Variants in CLEC6A observed in about 807,000 individuals in gnomAD.
CLEC6A encodes the protein C-type lectin domain containing 6A.
A neutral mutation model predicts 25.7 loss-of-function variants in CLEC6A; 22 were observed. The observed-to-expected ratio is 0.85, with a 90% CI of 0.61 to 1.22. CLEC6A has a LOEUF of 1.22. Ranked by LOEUF, CLEC6A falls within the 50% of genes most tolerant of loss-of-function variation. The probability of loss-of-function intolerance (pLI) is 0.00; values close to 1 mark genes in which losing one functional copy is unlikely to be tolerated. For missense variants in CLEC6A, 240 were observed against 236.8 expected (o/e 1.01, Z -0.09); for synonymous variants, 92 against 76.7 (o/e 1.20, Z -1.04).
chr12:8,461,961 T>C (rs1591706454), intron 3 of CLEC6A, among the ~76,000 whole-genome samples: 1 of 152,240 alleles, frequency 6.6e-6, no homozygotes, highest in East Asian at 1.9e-4. Context: ...GATCAGATTG[T>C]TACTGTGTCT....
At chr12:8,467,251 A>G (rs2136361980) in intron 4 of CLEC6A, among the ~76,000 whole-genome samples, 1 of 152,244 alleles carries the variant, frequency 6.6e-6, no homozygotes, top group Admixed American at 6.5e-5. Context: ...TTGGTTTCAT[A>G]TCCAATACAT....
In CLEC6A at chr12:8,465,614, C is replaced by T. The variant is rs1305937176; in HGVS notation, c.354C>T (p.Asn118=). The T allele has an allele frequency of 2.5e-6, 4 of 1,612,868 alleles. No homozygotes were observed. Among genetic ancestry groups the T allele is most frequent in the Admixed American group, 1.7e-5 (1 of 59,810 alleles). The change falls in exon 4 of 6, where the codon AAC becomes AAT. Residue 118 remains asparagine (N), a synonymous_variant. Coordinates refer to ENST00000382073, the MANE Select transcript of CLEC6A (RefSeq NM_001007033.2). ...TGGGAGCACATTTGGTTGTGTTCAA[C>T]ACAGAAGCAGAGCAGGTACTGTTTC... The part of the protein sequence containing the change: ...VEMGAHLVVF[N]TEAEQNFIVQ...
At chr12:8,467,289 T>C (rs969499025) in intron 4 of CLEC6A, among the ~76,000 whole-genome samples, 6 of 152,260 alleles carry the variant, frequency 3.9e-5, no homozygotes, top group African/African-American at 1.4e-4. Flanking sequence ...TGAATCTTTT[T>C]GCTTATGTTT....
intron 3 of CLEC6A, among the ~76,000 whole-genome samples, chr12:8,462,437 C>T (rs1309140296): frequency 5.3e-5 from 7 of 131,708 alleles, no homozygotes; most frequent in Admixed American, 2.4e-4. Flanking sequence ...GTCTCCTGCC[C>T]GTCCATGGGC....
intron 4 of CLEC6A, among the ~76,000 whole-genome samples, chr12:8,469,835 A>G (rs1939882876): frequency 6.6e-6 from 1 of 152,212 alleles, no homozygotes; most frequent in Admixed American, 6.5e-5. Flanking sequence ...AAAATTCTAG[A>G]AGATAACATT....
chr12:8,471,152 T>TTG (rs1399039048), intron 4 of CLEC6A, among the ~76,000 whole-genome samples: 4 of 152,236 alleles, frequency 2.6e-5, no homozygotes, highest in Admixed American at 1.3e-4. Flanking sequence ...CAGTTTGTCA[T>TTG]TGTGTGTAAC....
At chr12:8,456,476 A>G (rs1939676247) in intron 1 of CLEC6A, among the ~76,000 whole-genome samples, 1 of 152,190 alleles carries the variant, frequency 6.6e-6, no homozygotes, top group Non-Finnish European at 1.5e-5. Context: ...GAAATCCAGG[A>G]AGCAGTACTC....
intron 3 of CLEC6A, among the ~76,000 whole-genome samples, chr12:8,463,896 A>ATT (rs1731803264): frequency 1.3e-5 from 2 of 152,342 alleles, no homozygotes; most frequent in South Asian, 4.1e-4. Flanking sequence ...AGCTGTCAAT[A>ATT]TTTTTTGTCA....
intron 5 of CLEC6A, 122 bp from the exon 6 acceptor site, chr12:8,477,198 G>A: frequency 1.4e-6 from 1 of 718,270 alleles, no homozygotes; most frequent in Non-Finnish European, 2.3e-6. Context: ...TGAGAAGAAG[G>A]AACAATCATT....
At chr12:8,457,823 T>A (rs1939696847) in intron 1 of CLEC6A, 75 bp from the exon 2 acceptor site, 1 of 1,039,848 alleles carries the variant, frequency 9.6e-7, no homozygotes, top group African/African-American at 1.6e-5. Flanking sequence ...AGTTTGTTCA[T>A]TGTTGTAAGC....
Position 8,456,131 on chromosome 12 carries a change from C to G in CLEC6A, c.20C>G (p.Pro7Arg). The change falls in exon 1 of 6, where the codon CCT becomes CGT. Residue 7 changes from proline to arginine, a missense_variant. By Grantham distance (103) the Pro-to-Arg change is moderately radical. Transcript: ENST00000382073. MMQEQQ[P>R]QSTEKRGWLS... The stretch of plus-strand genomic sequence containing the variant: ...TGCATAATGATGCAAGAGCAGCAAC[C>G]TCAAAGTACAGGTGAGTATTTCCTC... 6.2e-7 allele frequency: 1 copy of G among 1,613,740 alleles called. No individual in the cohort carries two copies. Among genetic ancestry groups the G allele is most frequent in the Non-Finnish European group, 8.5e-7 (1 of 1,179,828 alleles).
intron 4 of CLEC6A, among the ~76,000 whole-genome samples, chr12:8,472,818 A>G (rs956906988): frequency 1.3e-5 from 2 of 152,116 alleles, no homozygotes; most frequent in Non-Finnish European, 2.9e-5. Context: ...ATATTGCACA[A>G]TGCTGAGGTT....
At chr12:8,459,763 A>C (rs1939729180) in intron 3 of CLEC6A, 65 bp downstream of exon 3, 3 of 993,932 alleles carry the variant, frequency 3.0e-6, no homozygotes, top group Non-Finnish European at 4.9e-6. Context: ...GTTGAGCTCA[A>C]GATTGGTGTA....
At chr12:8,458,399 A>G (rs763164116) in intron 2 of CLEC6A, among the ~76,000 whole-genome samples, 35 of 152,316 alleles carry the variant, frequency 2.3e-4, no homozygotes, top group Admixed American at 7.8e-4. Context: ...ATCCTTTCCA[A>G]TGTGAGAGGA....
intron 3 of CLEC6A, 55 bp downstream of exon 3, chr12:8,459,753 G>C: frequency 1.8e-6 from 2 of 1,120,094 alleles, no homozygotes; most frequent in South Asian, 2.5e-5. Context: ...AGAGATCAGG[G>C]TTGAGCTCAA....
At chr12:8,474,895 A>T (rs999879045) in intron 4 of CLEC6A, among the ~76,000 whole-genome samples, 14 of 151,768 alleles carry the variant, frequency 9.2e-5, no homozygotes, top group African/African-American at 3.4e-4. Flanking sequence ...CTTTTTTTTA[A>T]AATTATACTT....
chr12:8,467,732 G>A (rs1939851094), intron 4 of CLEC6A, among the ~76,000 whole-genome samples: 1 of 152,130 alleles, frequency 6.6e-6, no homozygotes, highest in South Asian at 2.1e-4. Flanking sequence ...ATAACATTGG[G>A]ATTTTGGTAG....
chr12:8,460,975 T>A, intron 3 of CLEC6A: 1 of 1,052,344 alleles, frequency 9.5e-7, no homozygotes, highest in Non-Finnish European at 1.5e-6. Context: ...AAATTCTTAC[T>A]GCGTTGGTGA....
chr12:8,461,284 A>T, intron 3 of CLEC6A: 1 of 558,258 alleles, frequency 1.8e-6, no homozygotes, highest in Non-Finnish European at 3.2e-6. Context: ...AGGACAGTCA[A>T]AAAAAAACAA....
Sources: gnomAD v4.1 joint callset for allele counts (sites outside exome capture counted in the v4.1 genomes callset) on GRCh38, gnomAD v4.1.1 for gene constraint, MANE v1.5 for transcripts, NCBI Gene and HGNC (gene_info 2026-07-23, HGNC 2026-07-21) for gene names.